PLEKHA7: variants seen among roughly 807,000 people sequenced by gnomAD.
PLEKHA7 encodes pleckstrin homology domain-containing family A member 7.
In PLEKHA7, 104 loss-of-function variants were observed where a neutral mutation model predicts 170.0. The ratio of observed to expected loss-of-function variants is 0.61; its 90% CI spans 0.52 to 0.72. The LOEUF is 0.72. Among genes scored for constraint, PLEKHA7 ranks in the 30% least tolerant of loss-of-function variants. The pLI is 0.00. For synonymous variants in PLEKHA7, 648 were observed against 660.8 expected, an observed-to-expected ratio of 0.98 and a Z score of 0.30; for missense variants, 1,615 against 1,671.7, an observed-to-expected ratio of 0.97 and a Z score of 0.59.
rs547678326 is a variant in PLEKHA7 at position 16,991,914 on chromosome 11, G to A, written c.221+22075C>T. Among the ~76,000 whole-genome samples the A allele has an allele frequency of 2.6e-5, 4 of 152,334 alleles. No individual in the cohort carries two copies. In the East Asian group the frequency reaches 7.7e-4, roughly 29 times the overall value. Reference sequence around the variant, plus strand: ...GGCGTGGACTAGGGTGGTAGCAGCGGAGGGCATGAGAATGGTCTGATTCTG... The same window carrying A: ...GGCGTGGACTAGGGTGGTAGCAGCGAAGGGCATGAGAATGGTCTGATTCTG... On this transcript the variant is annotated intron_variant, in intron 3 of 26. Transcript: ENST00000531066.
At chr11:16,920,988 T>C (rs1283155851) in intron 3 of PLEKHA7, among the ~76,000 whole-genome samples, 1 of 152,246 alleles carries the variant, frequency 6.6e-6, no homozygotes, top group Non-Finnish European at 1.5e-5. Flanking sequence ...ATAAACATGC[T>C]ACAAAAGTAA....
intron 11 of PLEKHA7, 140 bp downstream of exon 11, chr11:16,816,660 G>T (rs890386693): frequency 9.7e-7 from 1 of 1,033,990 alleles, no homozygotes; most frequent in Admixed American, 2.5e-5. Context: ...AACTGTGCCT[G>T]GCATCTATTA....
In PLEKHA7 at chr11:16,852,338, C is replaced by T; in HGVS notation, c.540G>A (p.Arg180=). ...GCACAAACCACCTCCTTTTCCACAG[C>T]CTCATCCCAGAACTGTCCTGCAAAG... ...WLHKQDSSGM[R]LWKRRWFVLA... The change falls in exon 7 of 27, where the codon AGG becomes AGA. Residue 180 remains arginine (R), a synonymous_variant. Transcript: ENST00000531066. The T allele has an allele frequency of 6.2e-7, 1 of 1,614,032 alleles. No individual in the cohort carries two copies. The highest frequency in any genetic ancestry group is 8.5e-7 in the Non-Finnish European group (1 of 1,179,968).
chr11:17,012,501 C>G (rs1389992881), intron 3 of PLEKHA7, among the ~76,000 whole-genome samples: 1 of 152,164 alleles, frequency 6.6e-6, no homozygotes. Flanking sequence ...AACACCATCC[C>G]GATCTCCCAG....
At chr11:16,966,309 T>C (rs1411285733) in intron 3 of PLEKHA7, among the ~76,000 whole-genome samples, 1 of 151,632 alleles carries the variant, frequency 6.6e-6, no homozygotes, top group Non-Finnish European at 1.5e-5. Flanking sequence ...TGTGTGTGTG[T>C]GTGTGTGTGT....
intron 3 of PLEKHA7, among the ~76,000 whole-genome samples, chr11:17,013,585 C>G (rs1865456903): frequency 6.6e-6 from 1 of 152,194 alleles, no homozygotes; most frequent in African/African-American, 2.4e-5. Flanking sequence ...ACCCCGCAGG[C>G]CCACACCAGG....
intron 3 of PLEKHA7, among the ~76,000 whole-genome samples, chr11:16,887,482 G>T (rs1182746765): frequency 6.6e-6 from 1 of 152,094 alleles, no homozygotes; most frequent in African/African-American, 2.4e-5. Context: ...TCGGCTCACT[G>T]CAACCTCCCT....
At chr11:16,899,676 G>A (rs1195442945) in intron 3 of PLEKHA7, among the ~76,000 whole-genome samples, 1 of 152,136 alleles carries the variant, frequency 6.6e-6, no homozygotes, top group Non-Finnish European at 1.5e-5. Context: ...GATCTTTACT[G>A]AAGGCCCGCT....
intron 4 of PLEKHA7, among the ~76,000 whole-genome samples, chr11:16,862,885 C>T (rs1854080693): frequency 6.6e-6 from 1 of 152,160 alleles, no homozygotes; most frequent in Non-Finnish European, 1.5e-5. Flanking sequence ...GCTACCATGG[C>T]AACCAAATAC....
In PLEKHA7 at chr11:16,942,761, C is replaced by T. The variant is rs374457919; in HGVS notation, c.221+71228G>A. Among the ~76,000 whole-genome samples, 221 of 152,358 alleles carry T rather than the reference C, an allele frequency of 1.5e-3. 2 individuals carry two copies. The highest frequency in any genetic ancestry group is 4.9e-3 in the African/African-American group (205 of 41,598). On this transcript the variant is annotated intron_variant, in intron 3 of 26. Coordinates refer to ENST00000531066, the MANE Select transcript of PLEKHA7 (RefSeq NM_001329630.2). ...GTAAACTGCTGTCTTCTGGGCTTTG[C>T]AGCTCTGCAATAAAAATTCAATCTA...
chr11:16,852,596 A>G (rs1853069411), intron 6 of PLEKHA7, among the ~76,000 whole-genome samples: 1 of 152,218 alleles, frequency 6.6e-6, no homozygotes, highest in Non-Finnish European at 1.5e-5. Flanking sequence ...AATATATAAT[A>G]TTATAAGTCA....
chr11:16,986,383 A>C (rs1395140367), intron 3 of PLEKHA7, among the ~76,000 whole-genome samples: 1 of 152,156 alleles, frequency 6.6e-6, no homozygotes, highest in Non-Finnish European at 1.5e-5. Context: ...CCCCATGGAG[A>C]AGGGAGGCAT....
chr11:16,934,161 C>T (rs975149758), intron 3 of PLEKHA7, among the ~76,000 whole-genome samples: 4 of 152,218 alleles, frequency 2.6e-5, no homozygotes, highest in African/African-American at 9.6e-5. Flanking sequence ...CACTTCAACA[C>T]TCCCTTTTTT....
intron 16 of PLEKHA7, 92 bp downstream of exon 16, chr11:16,801,576 G>A (rs1043616945): frequency 6.7e-7 from 1 of 1,497,508 alleles, no homozygotes; most frequent in Non-Finnish European, 9.1e-7. Flanking sequence ...TCTTGCCTCT[G>A]GACACCAACT....
chr11:16,833,439 TTC>T (rs1326996817), intron 9 of PLEKHA7, among the ~76,000 whole-genome samples: 2 of 152,186 alleles, frequency 1.3e-5, no homozygotes, highest in Non-Finnish European at 2.9e-5. Context: ...TGAAGAATCC[TTC>T]TCTCTTTCTT....
At chr11:16,790,672 C>G in intron 21 of PLEKHA7, 126 bp downstream of exon 21, 1 of 912,336 alleles carries the variant, frequency 1.1e-6, no homozygotes, top group South Asian at 1.8e-5. Flanking sequence ...CATCCCAGAC[C>G]CCCCTGACAG....
rs566266069 is a variant in PLEKHA7, at chr11:16,811,731, C to T, written c.2007+1382G>A. Among the ~76,000 whole-genome samples the T allele has an allele frequency of 3.9e-5, 6 of 152,360 alleles. No individual in the cohort carries two copies. In the East Asian group the frequency reaches 1.2e-3, roughly 29 times the overall value. ...GAAAGCTCCTTGTTCTCCTCACATG[C>T]TAAAGCCAGGTCTTTTTGCTCATAG... On this transcript the variant is annotated intron_variant, in intron 13 of 26. Coordinates refer to ENST00000531066, the MANE Select transcript of PLEKHA7 (RefSeq NM_001329630.2).
intron 3 of PLEKHA7, among the ~76,000 whole-genome samples, chr11:16,935,676 C>G (rs973992625): frequency 1.3e-5 from 2 of 152,192 alleles, no homozygotes; most frequent in Non-Finnish European, 2.9e-5. Context: ...TTTGCAAACA[C>G]CACCCTAAGT....
chr11:16,847,080 TTTTTTTTTTC>T lies in PLEKHA7; in HGVS notation c.696+4101_696+4110del, dbSNP rs1169903421. 8.9e-3 allele frequency among the ~76,000 whole-genome samples: 1,118 copies of T among 125,262 alleles called. 16 individuals are homozygous for T. The highest frequency in any genetic ancestry group is 0.012 in the Middle Eastern group (3 of 250). The allele number at this position is 125,262 out of a possible 152,430, so 82.2% of individuals were successfully genotyped here. On this transcript the variant is annotated intron_variant, in intron 8 of 26. Coordinates refer to ENST00000531066, the MANE Select transcript of PLEKHA7 (RefSeq NM_001329630.2). The stretch of plus-strand genomic sequence containing the variant: ...GGGCATTCCAGGCTGTGGCTGAAGT[TTTTTTTTTTC>T]TTTTTTTTTTTTTTTTTTTTTTTTG...
Sources: gnomAD v4.1 joint callset for allele counts (sites outside exome capture counted in the v4.1 genomes callset) on GRCh38, gnomAD v4.1.1 for gene constraint, MANE v1.5 for transcripts, NCBI Gene and HGNC (gene_info 2026-07-23, HGNC 2026-07-21) for gene names.